CD38: variants seen among roughly 807,000 people sequenced by gnomAD.
CD38 encodes ADP-ribosyl cyclase/cyclic ADP-ribose hydrolase 1.
Under a neutral mutation model 36.3 loss-of-function variants are expected in CD38, and 31 were observed. The observed-to-expected ratio is 0.85, with a 90% confidence interval of 0.64 to 1.15. CD38 has a LOEUF of 1.15. CD38 is among the 50% of genes most tolerant of loss of function. The pLI is 0.00. For missense variants in CD38, 380 were observed against 371.9 expected (o/e 1.02, Z -0.18); for synonymous variants, 131 against 135.2 (o/e 0.97, Z 0.22).
rs373785947 is a variant in CD38 at position 15,848,705 on chromosome 4, C to T, written c.*103C>T. On this transcript the variant is annotated 3_prime_UTR_variant, in exon 8 of 8. Transcript: ENST00000226279. ...TGCAGAGCTGAAGATTTTGGAGGGTCCTCCACAATAAGGTCAATGCCAGAG... is the reference window on the plus strand; with the variant it reads ...TGCAGAGCTGAAGATTTTGGAGGGTTCTCCACAATAAGGTCAATGCCAGAG... 7 of 890,546 alleles carry T rather than the reference C, an allele frequency of 7.9e-6. No homozygotes were observed. The African/African-American group carries it at 9.9e-5, about 13-fold the overall frequency. 55.2% of individuals were successfully genotyped at this position (890,546 alleles called of 1,614,324 possible). A position where few individuals can be genotyped will look rare whatever the true frequency, so the allele number is the denominator to read the frequency against.
chr4:15,827,086 T>G (rs887803118), intron 3 of CD38, among the ~76,000 whole-genome samples: 7 of 152,208 alleles, frequency 4.6e-5, no homozygotes, highest in Non-Finnish European at 1.0e-4. Flanking sequence ...AGTCACTCAT[T>G]TAATCCTCCA....
chr4:15,805,870 C>T (rs1014965105), intron 1 of CD38, among the ~76,000 whole-genome samples: 1 of 152,144 alleles, frequency 6.6e-6, no homozygotes, highest in Non-Finnish European at 1.5e-5. Context: ...AGTTAACCTG[C>T]TTGTTTTCTT....
chr4:15,816,860 A>G (rs768866564), intron 2 of CD38: 14 of 510,082 alleles, frequency 2.7e-5, no homozygotes, highest in Non-Finnish European at 4.5e-5. Context: ...AAATAGGGAT[A>G]CAGAGATAGG....
chr4:15,795,998 A>T (rs1487740459), intron 1 of CD38, among the ~76,000 whole-genome samples: 2 of 152,140 alleles, frequency 1.3e-5, no homozygotes, highest in Non-Finnish European at 2.9e-5. Context: ...TAGATGAAAT[A>T]TTGTGAAATT....
At chr4:15,823,853 A>C (rs150450049) in intron 2 of CD38, among the ~76,000 whole-genome samples, 22 of 152,324 alleles carry the variant, frequency 1.4e-4, no homozygotes, top group Middle Eastern at 3.4e-3. Context: ...ATGTGCATGC[A>C]TATGTTCATT....
intron 2 of CD38, 128 bp downstream of exon 2, chr4:15,816,768 G>A (rs3796868): frequency 0.17 from 167,465 of 1,010,576 alleles, 14,954 homozygotes; most frequent in South Asian, 0.25. Context: ...AGTGTGGTTG[G>A]TAGGAATGGA....
chr4:15,816,461 T>C (rs1471529205), intron 1 of CD38, 50 bp from the exon 2 acceptor site: 1 of 1,467,248 alleles, frequency 6.8e-7, no homozygotes. Context: ...GCTCCAAAAA[T>C]ATTTTTAAAA....
chr4:15,800,451 T>C (rs1451446591), intron 1 of CD38, among the ~76,000 whole-genome samples: 1 of 152,234 alleles, frequency 6.6e-6, no homozygotes, highest in African/African-American at 2.4e-5. Flanking sequence ...TTGTTCTACG[T>C]CCTTGTTAAC....
rs749408910 is a variant in CD38 at position 15,825,009 on chromosome 4, C to G, written c.492C>G (p.Asn164Lys). The G allele has an allele frequency of 6.2e-7, 1 of 1,610,816 alleles. No individual in the cohort carries two copies. The highest frequency in any genetic ancestry group is 1.1e-5 in the South Asian group (1 of 90,866). Residue 164 changes from asparagine to lysine, a missense_variant, in exon 3 of 8, where the codon AAC becomes AAG. Asn to Lys is a moderately conservative substitution (Grantham distance 94). Transcript: ENST00000226279. ...ACCTCACATGGTGTGGTGAATTCAA[C>G]ACTTCCAGTGAGGCTCTGGGCCCTG... ...ADDLTWCGEF[N>K]TSKINYQSCP...
chr4:15,829,241 A>C (rs1723913259), intron 3 of CD38, among the ~76,000 whole-genome samples: 1 of 151,992 alleles, frequency 6.6e-6, no homozygotes. Flanking sequence ...ATTTTTGTGC[A>C]TACATAATAG....
chr4:15,779,967 A>C (rs1471840081), intron 1 of CD38, among the ~76,000 whole-genome samples: 1 of 152,198 alleles, frequency 6.6e-6, no homozygotes, highest in African/African-American at 2.4e-5. Flanking sequence ...TCATTCATCC[A>C]ACAAGTATCT....
intron 1 of CD38, among the ~76,000 whole-genome samples, chr4:15,785,657 AG>A (rs1722800434): frequency 6.6e-6 from 1 of 152,120 alleles, no homozygotes; most frequent in South Asian, 2.1e-4. Flanking sequence ...GAGGGAAAAA[AG>A]TTGGGAATCA....
intron 1 of CD38, among the ~76,000 whole-genome samples, chr4:15,783,997 A>G (rs1425044738): frequency 6.6e-6 from 1 of 152,226 alleles, no homozygotes; most frequent in Non-Finnish European, 1.5e-5. Context: ...ATGAAGAAAC[A>G]CAAGCATTGA....
intron 1 of CD38, among the ~76,000 whole-genome samples, chr4:15,802,153 TAAAC>T (rs1393750886): frequency 6.6e-6 from 1 of 151,906 alleles, no homozygotes; most frequent in Non-Finnish European, 1.5e-5. Context: ...ACACCAATAA[TAAAC>T]TATCTGTAAA....
intron 1 of CD38, among the ~76,000 whole-genome samples, chr4:15,779,090 G>T (rs533362226): frequency 6.6e-6 from 1 of 152,190 alleles, no homozygotes; most frequent in African/African-American, 2.4e-5. Flanking sequence ...TCTCTGACCC[G>T]AAAGTGCCCC....
intron 1 of CD38, among the ~76,000 whole-genome samples, chr4:15,795,506 C>A (rs1723087502): frequency 6.6e-6 from 1 of 151,882 alleles, no homozygotes; most frequent in African/African-American, 2.4e-5. Context: ...GTAAAACATG[C>A]CCATTGAAGA....
chr4:15,799,349 A>G lies in CD38; in HGVS notation c.234-17162A>G, dbSNP rs185361437. On this transcript the variant is annotated intron_variant, in intron 1 of 7. Coordinates refer to ENST00000226279, the MANE Select transcript of CD38 (RefSeq NM_001775.4). ...ATGTCAGTTTATTTCTGGACTCTCC[A>G]ATCTGTTTTATGGTCTGTTTGTCGC... Among the ~76,000 whole-genome samples, 308 of 152,238 alleles carry G rather than the reference A, an allele frequency of 2.0e-3. 1 individual carries two copies. Among genetic ancestry groups the G allele is most frequent in the Non-Finnish European group, 3.5e-3 (235 of 68,018 alleles).
At chr4:15,805,217 T>C (rs1723315137) in intron 1 of CD38, among the ~76,000 whole-genome samples, 1 of 152,202 alleles carries the variant, frequency 6.6e-6, no homozygotes, top group African/African-American at 2.4e-5. Flanking sequence ...TTAAAAACTT[T>C]TAAAAAACAA....
chr4:15,838,601 T>C (rs751812728), intron 5 of CD38, among the ~76,000 whole-genome samples: 11 of 152,286 alleles, frequency 7.2e-5, no homozygotes, highest in Non-Finnish European at 1.6e-4. Context: ...AGGAAAATTG[T>C]GTACCCCAAT....
Sources: gnomAD v4.1 joint callset for allele counts (sites outside exome capture counted in the v4.1 genomes callset) on GRCh38, gnomAD v4.1.1 for gene constraint, MANE v1.5 for transcripts, NCBI Gene and HGNC (gene_info 2026-07-23, HGNC 2026-07-21) for gene names.